The following STK38L variants were observed in gnomAD, a reference collection of about 807,000 sequenced individuals.
STK38L encodes serine/threonine kinase 38 like, also known as serine/threonine-protein kinase 38-like.
A neutral mutation model predicts 59.7 loss-of-function variants in STK38L; 28 were observed. The observed-to-expected ratio is 0.47, with a 90% CI of 0.35 to 0.64. The LOEUF is 0.64. Ranked by LOEUF, STK38L falls within the 30% of genes least tolerant of loss-of-function variation. STK38L has a pLI of 0.01. For synonymous variants in STK38L, 162 were observed against 176.8 expected (o/e 0.92, Z 0.66); for missense variants, 314 against 555.8 (o/e 0.56, Z 4.37).
intron 1 of STK38L, among the ~76,000 whole-genome samples, chr12:27,288,373 A>G (rs1943824363): frequency 6.6e-6 from 1 of 152,174 alleles, no homozygotes; most frequent in Admixed American, 6.5e-5. Context: ...CATATTCTTT[A>G]TAACAAAAGT....
At chr12:27,263,399 T>C (rs1943242487) in intron 1 of STK38L, among the ~76,000 whole-genome samples, 1 of 150,782 alleles carries the variant, frequency 6.6e-6, no homozygotes, top group African/African-American at 2.4e-5. Context: ...GTTAAAGAAC[T>C]CTTTCAAAAG....
chr12:27,274,618 A>T (rs987095782), intron 1 of STK38L, among the ~76,000 whole-genome samples: 1 of 152,222 alleles, frequency 6.6e-6, no homozygotes, highest in Non-Finnish European at 1.5e-5. Flanking sequence ...ACCCACATTT[A>T]TTCAGTACCT....
chr12:27,252,654 G>A (rs1565521563), intron 1 of STK38L, among the ~76,000 whole-genome samples: 1 of 152,144 alleles, frequency 6.6e-6, no homozygotes, highest in Non-Finnish European at 1.5e-5. Flanking sequence ...TTTCAGATCT[G>A]GTTGAGGATG....
intron 1 of STK38L, among the ~76,000 whole-genome samples, chr12:27,259,095 C>T (rs1200044514): frequency 6.6e-6 from 1 of 152,190 alleles, no homozygotes; most frequent in East Asian, 1.9e-4. Context: ...CTTCCTGAAC[C>T]TACACTGATT....
At chr12:27,249,426 C>G (rs1773712372) in intron 1 of STK38L, among the ~76,000 whole-genome samples, 2 of 152,204 alleles carry the variant, frequency 1.3e-5, no homozygotes, top group South Asian at 4.1e-4. Context: ...CAACCCCCGC[C>G]TCCTGGGTTC....
chr12:27,247,814 ATTTTTTTTTTT>A (rs11448972), intron 1 of STK38L, among the ~76,000 whole-genome samples: 2 of 126,598 alleles, frequency 1.6e-5, no homozygotes, highest in Non-Finnish European at 3.3e-5. Context: ...TTGTTCTGTA[ATTTTTTTTTTT>A]TTTTTTTTTG....
intron 1 of STK38L, among the ~76,000 whole-genome samples, chr12:27,263,612 A>G (rs1263246680): frequency 6.6e-6 from 1 of 152,198 alleles, no homozygotes; most frequent in African/African-American, 2.4e-5. Context: ...TATGTCCTTT[A>G]GGATGGAGCT....
intron 5 of STK38L, among the ~76,000 whole-genome samples, chr12:27,310,179 C>A (rs1944422172): frequency 1.3e-5 from 2 of 152,052 alleles, no homozygotes; most frequent in South Asian, 4.1e-4. Context: ...CATCAGGAGA[C>A]AGGGTTATAG....
intron 1 of STK38L, among the ~76,000 whole-genome samples, chr12:27,289,816 A>C (rs1225720539): frequency 6.6e-6 from 1 of 152,222 alleles, no homozygotes; most frequent in Non-Finnish European, 1.5e-5. Flanking sequence ...ACCCCAAATC[A>C]CTACTAACTT....
At chr12:27,290,024 G>C (rs142565544) in intron 1 of STK38L, among the ~76,000 whole-genome samples, 2 of 152,316 alleles carry the variant, frequency 1.3e-5, no homozygotes, top group East Asian at 1.9e-4. Flanking sequence ...GGGATGAGCA[G>C]GAAGATTGAG....
chr12:27,294,905 TGAG>T (rs1943980390), intron 1 of STK38L, among the ~76,000 whole-genome samples: 1 of 150,538 alleles, frequency 6.6e-6, no homozygotes, highest in Admixed American at 6.6e-5. Context: ...ATTGTAGAGA[TGAG>T]GAGATCCCAG....
At chr12:27,317,577 C>A in intron 10 of STK38L, 124 bp downstream of exon 10, 1 of 849,142 alleles carries the variant, frequency 1.2e-6, no homozygotes, top group Non-Finnish European at 1.8e-6. Context: ...CTGATGTTCC[C>A]CCAATGTTAA....
At chr12:27,267,840 C>T (rs1363525483) in intron 1 of STK38L, among the ~76,000 whole-genome samples, 2 of 152,176 alleles carry the variant, frequency 1.3e-5, no homozygotes, top group East Asian at 3.9e-4. Flanking sequence ...TGTAGTTGAG[C>T]ATCTTTTATT....
intron 1 of STK38L, among the ~76,000 whole-genome samples, chr12:27,286,064 A>G (rs367970432): frequency 2.9e-4 from 44 of 152,228 alleles, no homozygotes; most frequent in African/African-American, 1.1e-3. Context: ...CTTCTTCAAA[A>G]TTTCCTTTAT....
At chr12:27,274,716 C>A (rs1003577967) in intron 1 of STK38L, among the ~76,000 whole-genome samples, 1 of 152,180 alleles carries the variant, frequency 6.6e-6, no homozygotes, top group African/African-American at 2.4e-5. Flanking sequence ...TCTTGAAAGA[C>A]AGAGGGAGAA....
chr12:27,276,998 A>G (rs1322092173), intron 1 of STK38L, among the ~76,000 whole-genome samples: 1 of 152,210 alleles, frequency 6.6e-6, no homozygotes, highest in East Asian at 1.9e-4. Flanking sequence ...CCTTTTATAA[A>G]GCATTTTACC....
chr12:27,322,043 A>T, intron 12 of STK38L, 100 bp from the exon 13 acceptor site: 1 of 1,010,014 alleles, frequency 9.9e-7, no homozygotes. Flanking sequence ...TGGATTTTCT[A>T]GTATCTGTAG....
chr12:27,285,293 A>G (rs531695424), intron 1 of STK38L, among the ~76,000 whole-genome samples: 1 of 152,356 alleles, frequency 6.6e-6, no homozygotes, highest in South Asian at 2.1e-4. Flanking sequence ...CAACTGAGAA[A>G]TGCTTACAAC....
At chr12:27,275,095 T>C (rs1056236265) in intron 1 of STK38L, among the ~76,000 whole-genome samples, 6 of 152,206 alleles carry the variant, frequency 3.9e-5, no homozygotes, top group African/African-American at 1.4e-4. Context: ...TTACCACTTT[T>C]CAAGGTACCA....
Sources: gnomAD v4.1 joint callset for allele counts (sites outside exome capture counted in the v4.1 genomes callset) on GRCh38, gnomAD v4.1.1 for gene constraint, MANE v1.5 for transcripts, NCBI Gene and HGNC (gene_info 2026-07-23, HGNC 2026-07-21) for gene names.